Variants in ADCY10 observed in about 807,000 individuals in gnomAD.
The protein encoded by ADCY10 is adenylate cyclase type 10.
ADCY10 carries 156 observed loss-of-function variants against 183.3 expected under a neutral mutation model. The ratio of observed to expected loss-of-function variants is 0.85; its 90% CI spans 0.75 to 0.97. The LOEUF (loss-of-function observed/expected upper bound fraction) is 0.97. ADCY10 is among the 50% of genes least tolerant of loss of function. ADCY10 has a pLI of 0.00. For synonymous variants in ADCY10, 645 were observed against 670.0 expected (o/e 0.96, Z 0.58); for missense variants, 1,745 against 1,934.3 (o/e 0.90, Z 1.84).
At chr1:167,871,460 T>A (rs1667101063) in intron 13 of ADCY10, among the ~76,000 whole-genome samples, 1 of 152,246 alleles carries the variant, frequency 6.6e-6, no homozygotes, top group African/African-American at 2.4e-5. Context: ...GTTACAACCC[T>A]TATTTTTCTT....
intron 24 of ADCY10, 144 bp downstream of exon 24, chr1:167,833,826 A>G (rs1663977807): frequency 4.6e-6 from 3 of 656,886 alleles, no homozygotes; most frequent in Non-Finnish European, 8.1e-6. Flanking sequence ...GTTGGAGCCC[A>G]GGGATTTGAG....
At chr1:167,841,807 TC>T (rs1571273768) in intron 21 of ADCY10, among the ~76,000 whole-genome samples, 1 of 152,250 alleles carries the variant, frequency 6.6e-6, no homozygotes, top group African/African-American at 2.4e-5. Flanking sequence ...TTCTCCACTG[TC>T]TACTTTTCTC....
At chr1:167,899,999 G>A (rs113155111) in intron 5 of ADCY10, among the ~76,000 whole-genome samples, 7 of 152,270 alleles carry the variant, frequency 4.6e-5, no homozygotes, top group East Asian at 1.9e-4. Flanking sequence ...GATTGAAGCT[G>A]TAACTAAAAA....
Position 167,809,695 on chromosome 1 carries a change from C to T in ADCY10, c.4816G>A (p.Val1606Met), listed in dbSNP as rs201892899. ...KNKFLMRANT[V>M]DNHF is the part of the protein sequence containing the mutation. ...TTGACATGTTAGAAATGATTGTCCA[C>T]GGTATTAGCTCTCATCAGGAATTTG... Residue 1606 changes from valine to methionine, a missense_variant, in exon 33 of 33, where the codon GTG (valine) becomes ATG (methionine). By Grantham distance (21) the Val-to-Met change is conservative (BLOSUM62 1). Transcript: ENST00000367851. The T allele has an allele frequency of 4.2e-5, 67 of 1,613,964 alleles. No individual in the cohort carries two copies. Among genetic ancestry groups the T allele is most frequent in the East Asian group, 2.7e-4 (12 of 44,878 alleles).
Position 167,824,768 on chromosome 1 carries a change from C to T in ADCY10, c.3838G>A (p.Glu1280Lys). The change falls in exon 27 of 33, where the codon GAG becomes AAG. Residue 1280 changes from glutamate (E) to lysine (K), a missense_variant. Coordinates refer to ENST00000367851, the MANE Select transcript of ADCY10 (RefSeq NM_018417.6). ...TTCAGGGGGAGGTTGAAGATGTGCT[C>T]CATGGCCATGACTTCATATTTGAAC... ...VWFKYEVMAMEHIFNLPLKGE... is the reference protein window; with the variant it reads ...VWFKYEVMAMKHIFNLPLKGE... The T allele has an allele frequency of 6.2e-7, 1 of 1,614,176 alleles. No individual in the cohort carries two copies. The highest frequency in any genetic ancestry group is 8.5e-7 in the Non-Finnish European group (1 of 1,180,036).
intron 1 of ADCY10, among the ~76,000 whole-genome samples, chr1:167,907,980 C>T (rs1047755952): frequency 7.9e-5 from 12 of 152,076 alleles, no homozygotes; most frequent in Admixed American, 2.6e-4. Flanking sequence ...ATTGAAAGTA[C>T]GGCCATTATG....
intron 8 of ADCY10, among the ~76,000 whole-genome samples, chr1:167,891,960 C>T (rs1386239492): frequency 6.6e-6 from 1 of 150,706 alleles, no homozygotes; most frequent in African/African-American, 2.4e-5. Flanking sequence ...AACCAATGTG[C>T]TAATTTTTTT....
chr1:167,899,525 G>T lies in ADCY10; in HGVS notation c.540C>A (p.Asn180Lys). 6.2e-7 allele frequency: 1 copy of T among 1,614,208 alleles called. No homozygotes were observed. ...GAATAACATCATTCATCTGAGCCAT[G>T]TTCTGGGCAAGGCGCACATCGTCCA... is the stretch of plus-strand genomic sequence containing the variant. ...QAVDDVRLAQ[N>K]MAQMNDVILS... is the part of the protein sequence containing the mutation. Residue 180 changes from asparagine to lysine, a missense_variant, in exon 6 of 33, where the codon AAC (asparagine) becomes AAA (lysine). Asn to Lys is a moderately conservative substitution (Grantham distance 94). Transcript: ENST00000367851.
chr1:167,861,578 C>T (rs1320573431), intron 14 of ADCY10, among the ~76,000 whole-genome samples: 1 of 152,228 alleles, frequency 6.6e-6, no homozygotes, highest in Non-Finnish European at 1.5e-5. Flanking sequence ...CTCATTGCCC[C>T]TCATTTGAGG....
intron 21 of ADCY10, among the ~76,000 whole-genome samples, chr1:167,838,940 C>A (rs1254291418): frequency 1.3e-5 from 2 of 152,070 alleles, no homozygotes; most frequent in South Asian, 4.2e-4. Context: ...TTTTTCTTAC[C>A]CCCTTCCCTA....
In ADCY10 at chr1:167,820,262, A is replaced by T. The variant is rs1287122303; in HGVS notation, c.4286+1762T>A. On this transcript the variant is annotated intron_variant, in intron 30 of 32. Coordinates refer to ENST00000367851, the MANE Select transcript of ADCY10 (RefSeq NM_018417.6). ...GTCCTGGTCCATCGTCGTCGCCACC[A>T]CAGGGCTGCTGGCGCCGCAGCGCCG... 3 of 1,477,794 alleles carry T rather than the reference A, an allele frequency of 2.0e-6. No individual in the cohort carries two copies. The Admixed American group carries it at 6.4e-5, about 31-fold the overall frequency. The allele number at this position is 1,477,794 out of a possible 1,614,324, so 91.5% of individuals were successfully genotyped here. A position where few individuals can be genotyped will look rare whatever the true frequency, so the allele number is the denominator to read the frequency against.
At chr1:167,908,490 AG>A (rs1166086913) in intron 1 of ADCY10, among the ~76,000 whole-genome samples, 1 of 152,202 alleles carries the variant, frequency 6.6e-6, no homozygotes, top group Non-Finnish European at 1.5e-5. Flanking sequence ...ACCTAGAGCA[AG>A]GTGAATACAG....
chr1:167,881,191 T>G (rs1667848311), intron 9 of ADCY10, among the ~76,000 whole-genome samples: 1 of 152,236 alleles, frequency 6.6e-6, no homozygotes, highest in South Asian at 2.1e-4. Flanking sequence ...AGGCTTAGGC[T>G]GTAAGTAGGT....
chr1:167,900,539 C>CT (rs375925534), intron 5 of ADCY10, among the ~76,000 whole-genome samples: 231 of 147,146 alleles, frequency 1.6e-3, no homozygotes, highest in Admixed American at 4.3e-3. Flanking sequence ...CTTATTTGGG[C>CT]TTTTTTTTTT....
At chr1:167,910,917 A>G (rs1257137665) in intron 1 of ADCY10, among the ~76,000 whole-genome samples, 1 of 152,212 alleles carries the variant, frequency 6.6e-6, no homozygotes, top group Non-Finnish European at 1.5e-5. Context: ...TTAAATAAAC[A>G]ATTTTTTAGT....
chr1:167,910,883 A>G (rs1170634160), intron 1 of ADCY10, among the ~76,000 whole-genome samples: 1 of 152,224 alleles, frequency 6.6e-6, no homozygotes, highest in African/African-American at 2.4e-5. Context: ...ATGAAAACAG[A>G]GGATGCTCAG....
intron 15 of ADCY10, among the ~76,000 whole-genome samples, chr1:167,860,656 A>T (rs1025188114): frequency 6.6e-6 from 1 of 152,200 alleles, no homozygotes; most frequent in Non-Finnish European, 1.5e-5. Flanking sequence ...TAGTCAGCAG[A>T]TGGCCATTTG....
chr1:167,911,972 G>A (rs1239435561), intron 1 of ADCY10, among the ~76,000 whole-genome samples: 1 of 152,150 alleles, frequency 6.6e-6, no homozygotes, highest in Non-Finnish European at 1.5e-5. Context: ...GGTTTAAAAG[G>A]CAGGGAGATC....
intron 16 of ADCY10, among the ~76,000 whole-genome samples, chr1:167,858,295 T>G (rs574844409): frequency 1.6e-4 from 24 of 151,750 alleles, no homozygotes; most frequent in Non-Finnish European, 3.1e-4. Flanking sequence ...GTCAGGAGTT[T>G]GAGAACAGCC....
Sources: allele counts gnomAD v4.1 joint callset (sites outside exome capture counted in the v4.1 genomes callset), GRCh38; gene constraint gnomAD v4.1.1; transcripts MANE v1.5; gene names NCBI Gene and HGNC (gene_info 2026-07-23, HGNC 2026-07-21).